The following IGF1R variants were observed in gnomAD, a reference collection of about 807,000 sequenced individuals.
The protein encoded by IGF1R is insulin like growth factor 1 receptor.
In IGF1R, 44 loss-of-function variants were observed where a neutral mutation model predicts 144.6. The observed-to-expected ratio is 0.30, with a 90% confidence interval of 0.24 to 0.39. IGF1R has a LOEUF of 0.39. Ranked by LOEUF, IGF1R falls within the 10% of genes least tolerant of loss-of-function variation. The pLI, the probability that IGF1R is intolerant of heterozygous loss-of-function variation, is 1.00. For missense variants in IGF1R, 1,355 were observed against 1,833.7 expected (o/e 0.74, Z 4.77); for synonymous variants, 795 against 722.8 (o/e 1.10, Z -1.60).
intron 15 of IGF1R, among the ~76,000 whole-genome samples, chr15:98,932,024 G>C (rs1835520301): frequency 6.6e-6 from 1 of 152,222 alleles, no homozygotes; most frequent in Admixed American, 6.5e-5. Flanking sequence ...ATTCTGCTTT[G>C]AAATGCGGCA....
chr15:98,756,617 T>C (rs2055163203), intron 2 of IGF1R, among the ~76,000 whole-genome samples: 1 of 152,146 alleles, frequency 6.6e-6, no homozygotes, highest in African/African-American at 2.4e-5. Context: ...ATTAATTTTA[T>C]ATTTATCCTG....
intron 2 of IGF1R, among the ~76,000 whole-genome samples, chr15:98,734,430 T>C (rs1513645): frequency 1.6e-4 from 24 of 152,094 alleles, no homozygotes; most frequent in African/African-American, 5.8e-4. Flanking sequence ...GGAGAGAAAA[T>C]AGCATGTTTA....
chr15:98,739,565 T>C (rs1349902832), intron 2 of IGF1R, among the ~76,000 whole-genome samples: 1 of 152,072 alleles, frequency 6.6e-6, no homozygotes, highest in African/African-American at 2.4e-5. Flanking sequence ...ATGAGATGAT[T>C]ATGAAAGTAG....
At chr15:98,753,422 G>A (rs1342590944) in intron 2 of IGF1R, among the ~76,000 whole-genome samples, 3 of 131,326 alleles carry the variant, frequency 2.3e-5, no homozygotes, top group African/African-American at 5.6e-5. Context: ...TTGTAGAGAC[G>A]GGGTCATTCT....
chr15:98,860,896 T>C (rs1467688967), intron 2 of IGF1R, among the ~76,000 whole-genome samples: 1 of 152,220 alleles, frequency 6.6e-6, no homozygotes, highest in Non-Finnish European at 1.5e-5. Context: ...AGGCAGTAAG[T>C]GAAACCAAGC....
intron 2 of IGF1R, among the ~76,000 whole-genome samples, chr15:98,885,217 C>T (rs932287479): frequency 1.3e-5 from 2 of 152,190 alleles, no homozygotes; most frequent in African/African-American, 4.8e-5. Flanking sequence ...CCTGCCACGT[C>T]TATAGGGTGT....
At position 98,817,020 on chromosome 15, in the gene IGF1R, A is replaced by G. The variant is rs560313284; in HGVS notation, c.641-74305A>G. The stretch of plus-strand genomic sequence containing the variant: ...GATCAAGACAGAAAAGATTTCTTCA[A>G]TGCTGCGTGTGGTGGCTCACACCTG... On this transcript the variant is annotated intron_variant, in intron 2 of 20. Transcript: ENST00000650285. 1.4e-4 allele frequency among the ~76,000 whole-genome samples: 21 copies of G among 152,316 alleles called. No individual in the cohort carries two copies. The South Asian group carries it at 2.1e-3, about 15-fold the overall frequency.
chr15:98,763,171 TA>T (rs747314508), intron 2 of IGF1R, among the ~76,000 whole-genome samples: 17 of 152,292 alleles, frequency 1.1e-4, no homozygotes, highest in Non-Finnish European at 2.4e-4. Flanking sequence ...GAGAGAAAAT[TA>T]AAACCAATGC....
rs188881602 is a variant in IGF1R, at chr15:98,709,620, G to A, written c.640+1513G>A. Among the ~76,000 whole-genome samples the A allele has an allele frequency of 5.5e-3, 831 of 152,316 alleles. 9 individuals are homozygous for A. Among genetic ancestry groups the A allele is most frequent in the African/African-American group, 0.019 (783 of 41,560 alleles). ...AAAAATTTTATCTGAAAAGTAAAAG[G>A]TGTTATCAAGGGAGGCAGCATGGAG... On this transcript the variant is annotated intron_variant, in intron 2 of 20. Coordinates refer to ENST00000650285, the MANE Select transcript of IGF1R (RefSeq NM_000875.5).
At chr15:98,714,125 C>CCATCTCACTGATGG (rs1409241400) in intron 2 of IGF1R, among the ~76,000 whole-genome samples, 2 of 152,100 alleles carry the variant, frequency 1.3e-5, no homozygotes, top group African/African-American at 4.8e-5. Flanking sequence ...CATTTTACTG[C>CCATCTCACTGATGG]CATCTCACTG....
rs45451896 is a variant in IGF1R at position 98,916,111 on chromosome 15, G to C, written c.1976G>C (p.Arg659Pro). ...QRQPQDGYLY[R>P]HNYCSKDKIP... The stretch of plus-strand genomic sequence containing the variant: ...CAGCCTCAGGACGGCTACCTTTACC[G>C]GCACAATTACTGCTCCAAAGGTAAG... The change falls in exon 9 of 21, where the codon CGG becomes CCG. Residue 659 changes from arginine (R) to proline (P), a missense_variant. By Grantham distance (103) the Arg-to-Pro change is moderately radical (BLOSUM62 -2). Transcript: ENST00000650285. 1 of 1,614,020 alleles carries C rather than the reference G, an allele frequency of 6.2e-7. No individual in the cohort carries two copies. Among genetic ancestry groups the C allele is most frequent in the African/African-American group, 1.3e-5 (1 of 74,914 alleles).
intron 2 of IGF1R, among the ~76,000 whole-genome samples, chr15:98,761,676 C>T (rs2055298797): frequency 1.3e-5 from 2 of 152,232 alleles, no homozygotes; most frequent in Admixed American, 1.3e-4. Flanking sequence ...ACATTTCCAT[C>T]CAGTGGCTTA....
At chr15:98,808,786 C>T (rs573019882) in intron 2 of IGF1R, among the ~76,000 whole-genome samples, 2 of 151,496 alleles carry the variant, frequency 1.3e-5, no homozygotes, top group Admixed American at 6.6e-5. Flanking sequence ...CTCAAGAAAT[C>T]GTCCTGTCTC....
intron 2 of IGF1R, among the ~76,000 whole-genome samples, chr15:98,885,806 T>G (rs1455931473): frequency 6.7e-6 from 1 of 150,234 alleles, no homozygotes; most frequent in East Asian, 2.0e-4. Flanking sequence ...GTGAAGAGGT[T>G]GAGTCTCCTA....
chr15:98,933,153 C>G (rs185090996), intron 15 of IGF1R, among the ~76,000 whole-genome samples: 3 of 152,336 alleles, frequency 2.0e-5, no homozygotes, highest in African/African-American at 4.8e-5. Context: ...GACATTAGCA[C>G]ACAGCGTCAG....
chr15:98,775,250 G>A (rs1039816770), intron 2 of IGF1R, among the ~76,000 whole-genome samples: 2 of 152,106 alleles, frequency 1.3e-5, no homozygotes, highest in Non-Finnish European at 2.9e-5. Flanking sequence ...CATGGAAGGT[G>A]CCTTTTGTGT....
intron 2 of IGF1R, among the ~76,000 whole-genome samples, chr15:98,801,719 G>C (rs2056368033): frequency 6.6e-6 from 1 of 152,212 alleles, no homozygotes; most frequent in South Asian, 2.1e-4. Context: ...CTGTTTTCAG[G>C]TTGCTCTGCC....
chr15:98,951,061 A>G (rs1375590042), intron 20 of IGF1R, among the ~76,000 whole-genome samples: 1 of 152,224 alleles, frequency 6.6e-6, no homozygotes, highest in African/African-American at 2.4e-5. Flanking sequence ...GCTTCCGAAC[A>G]TAGGTTCAGC....
Position 98,727,323 on chromosome 15 carries a change from G to C in IGF1R, c.640+19216G>C, listed in dbSNP as rs763178517. On this transcript the variant is annotated intron_variant, in intron 2 of 20. Coordinates refer to ENST00000650285, the MANE Select transcript of IGF1R (RefSeq NM_000875.5). Reference sequence around the variant, plus strand: ...ATTTATCAAAATCAGATCTTGGACTGCTGGTTTTACCATGAATTAGGCTCT... The same window carrying C: ...ATTTATCAAAATCAGATCTTGGACTCCTGGTTTTACCATGAATTAGGCTCT... Among the ~76,000 whole-genome samples, 59 of 152,210 alleles carry C rather than the reference G, an allele frequency of 3.9e-4. 1 individual carries two copies. The highest frequency in any genetic ancestry group is 6.5e-4 in the Non-Finnish European group (44 of 68,036).
Sources: gnomAD v4.1 joint callset for allele counts (sites outside exome capture counted in the v4.1 genomes callset) on GRCh38, gnomAD v4.1.1 for gene constraint, MANE v1.5 for transcripts, NCBI Gene and HGNC (gene_info 2026-07-23, HGNC 2026-07-21) for gene names.